Variants in COMMD10 observed in about 807,000 individuals in gnomAD.
The protein encoded by COMMD10 is COMM domain-containing protein 10.
A neutral mutation model predicts 28.9 loss-of-function variants in COMMD10; 33 were observed. The ratio of observed to expected loss-of-function variants is 1.14; its 90% CI spans 0.87 to 1.53. The LOEUF is 1.53. Among genes scored for constraint, COMMD10 ranks in the 40% most tolerant of loss-of-function variants. The probability of loss-of-function intolerance (pLI) is 0.00; values close to 1 mark genes in which losing one functional copy is unlikely to be tolerated. For missense variants in COMMD10, 310 were observed against 233.4 expected (o/e 1.33, Z -2.14); for synonymous variants, 110 against 81.7 (o/e 1.35, Z -1.87).
At chr5:116,252,702 G>A (rs1008834173) in intron 5 of COMMD10, among the ~76,000 whole-genome samples, 3 of 130,092 alleles carry the variant, frequency 2.3e-5, no homozygotes, top group Non-Finnish European at 3.3e-5. Flanking sequence ...GGTTACTGTA[G>A]CCTTGTAGTA....
chr5:116,157,751 T>C (rs1452366165), intron 5 of COMMD10, among the ~76,000 whole-genome samples: 1 of 152,148 alleles, frequency 6.6e-6, no homozygotes, highest in Non-Finnish European at 1.5e-5. Flanking sequence ...TACCAAAATA[T>C]ATGTGTTTAA....
At chr5:116,112,299 T>C (rs185658048) in intron 4 of COMMD10, among the ~76,000 whole-genome samples, 2 of 152,338 alleles carry the variant, frequency 1.3e-5, no homozygotes, top group Admixed American at 1.3e-4. Flanking sequence ...AGATTTTCGT[T>C]GGCCCATAAT....
chr5:116,102,310 G>A (rs766042097), intron 4 of COMMD10, among the ~76,000 whole-genome samples: 7 of 152,208 alleles, frequency 4.6e-5, no homozygotes, highest in Admixed American at 6.5e-5. Context: ...TATTGAAAAC[G>A]TTGTCTTTTC....
intron 5 of COMMD10, among the ~76,000 whole-genome samples, chr5:116,214,143 A>AGAG (rs1257940427): frequency 6.6e-6 from 1 of 152,104 alleles, no homozygotes; most frequent in African/African-American, 2.4e-5. Flanking sequence ...TTAAACCTTT[A>AGAG]GCTGTTGCTT....
chr5:116,261,937 T>C (rs1273549596), intron 5 of COMMD10, among the ~76,000 whole-genome samples: 1 of 151,806 alleles, frequency 6.6e-6, no homozygotes, highest in Non-Finnish European at 1.5e-5. Context: ...AGCACTTACT[T>C]TGTATCTTTG....
intron 5 of COMMD10, among the ~76,000 whole-genome samples, chr5:116,202,013 A>C (rs1396543664): frequency 1.3e-5 from 2 of 148,600 alleles, no homozygotes; most frequent in African/African-American, 4.9e-5. Flanking sequence ...CATTAGGTAT[A>C]TCTCCTAATG....
chr5:116,160,224 C>T (rs983275191), intron 5 of COMMD10, among the ~76,000 whole-genome samples: 15 of 152,124 alleles, frequency 9.9e-5, no homozygotes, highest in Non-Finnish European at 1.2e-4. Context: ...TTTAGATATA[C>T]GTGTTACAGA....
At chr5:116,273,585 A>G (rs992907013) in intron 5 of COMMD10, among the ~76,000 whole-genome samples, 11 of 151,860 alleles carry the variant, frequency 7.2e-5, no homozygotes, top group Non-Finnish European at 1.6e-4. Context: ...TGACTAGACT[A>G]CAGAGGCATG....
At chr5:116,134,670 G>T (rs1029049292) in intron 5 of COMMD10, among the ~76,000 whole-genome samples, 1 of 152,140 alleles carries the variant, frequency 6.6e-6, no homozygotes, top group Non-Finnish European at 1.5e-5. Context: ...GCCCAGGTTG[G>T]AGTGCAGTGG....
chr5:116,244,967 A>G (rs1749904417), intron 5 of COMMD10, among the ~76,000 whole-genome samples: 1 of 152,078 alleles, frequency 6.6e-6, no homozygotes, highest in Admixed American at 6.6e-5. Flanking sequence ...AGCAGTAGAC[A>G]AGAAATAACC....
In COMMD10 at chr5:116,171,591, A is replaced by G. The variant is rs190331172; in HGVS notation, c.510+37413A>G. On this transcript the variant is annotated intron_variant, in intron 5 of 6. Transcript: ENST00000274458. ...TTGGAACCAACCCAAATGCCCATCAATGATATACTGGATAAAGAAAATGTG... is the reference window on the plus strand; with the variant it reads ...TTGGAACCAACCCAAATGCCCATCAGTGATATACTGGATAAAGAAAATGTG... 1.7e-3 allele frequency among the ~76,000 whole-genome samples: 265 copies of G among 152,334 alleles called. 3 individuals are homozygous for G. The highest frequency in any genetic ancestry group is 5.7e-3 in the African/African-American group (237 of 41,580).
chr5:116,092,882 G>A (rs930018457), intron 4 of COMMD10, among the ~76,000 whole-genome samples, 182 bp downstream of exon 4: 2 of 152,206 alleles, frequency 1.3e-5, no homozygotes, highest in South Asian at 2.1e-4. Context: ...TGAAAATATC[G>A]TTAAGTCAAA....
rs182408854 is a variant in COMMD10 at position 116,195,146 on chromosome 5, G to T, written c.510+60968G>T. On this transcript the variant is annotated intron_variant, in intron 5 of 6. Transcript: ENST00000274458. ...ATGATTAAAACTCTCAACAAAATCG[G>T]CATACAAGGGACGTACCATAATGTA... Among the ~76,000 whole-genome samples the T allele has an allele frequency of 3.3e-3, 505 of 152,110 alleles. 4 individuals are homozygous for T. The highest frequency in any genetic ancestry group is 4.8e-3 in the Non-Finnish European group (326 of 67,980).
intron 4 of COMMD10, among the ~76,000 whole-genome samples, chr5:116,128,926 G>C (rs2112765059): frequency 6.6e-6 from 1 of 151,996 alleles, no homozygotes; most frequent in East Asian, 1.9e-4. Context: ...ACCTACAGGT[G>C]CTTGATGTTC....
At chr5:116,268,352 G>A (rs1318784546) in intron 5 of COMMD10, among the ~76,000 whole-genome samples, 1 of 151,880 alleles carries the variant, frequency 6.6e-6, no homozygotes, top group East Asian at 1.9e-4. Flanking sequence ...ATGAAAAAAT[G>A]CTCATCATCA....
intron 4 of COMMD10, among the ~76,000 whole-genome samples, chr5:116,131,353 A>G (rs1751854102): frequency 6.6e-6 from 1 of 151,802 alleles, no homozygotes; most frequent in South Asian, 2.1e-4. Context: ...TGGCCTGCAG[A>G]TAATATTGTA....
chr5:116,270,748 C>T (rs750724594), intron 5 of COMMD10, among the ~76,000 whole-genome samples: 3 of 151,578 alleles, frequency 2.0e-5, no homozygotes, highest in Admixed American at 1.3e-4. Flanking sequence ...ACCAGCCTGA[C>T]GAACATGGTG....
At chr5:116,227,697 T>A (rs1253185377) in intron 5 of COMMD10, among the ~76,000 whole-genome samples, 1 of 152,026 alleles carries the variant, frequency 6.6e-6, no homozygotes, top group East Asian at 1.9e-4. Flanking sequence ...TCCTTGTGTT[T>A]TCTGACTTGA....
intron 5 of COMMD10, among the ~76,000 whole-genome samples, chr5:116,274,291 A>G (rs908467799): frequency 2.6e-5 from 4 of 151,920 alleles, no homozygotes; most frequent in Non-Finnish European, 4.4e-5. Flanking sequence ...ACATTTGTCT[A>G]CAATAGAGTT....
Sources: allele counts gnomAD v4.1 joint callset (sites outside exome capture counted in the v4.1 genomes callset), GRCh38; gene constraint gnomAD v4.1.1; transcripts MANE v1.5; gene names NCBI Gene and HGNC (gene_info 2026-07-23, HGNC 2026-07-21).